The following NBDY variants were observed in gnomAD, a reference collection of about 807,000 sequenced individuals.
The protein encoded by NBDY is P-body dissociating protein.
chrX:56,745,350 T>C (rs1425400659), intron 2 of NBDY, among the ~76,000 whole-genome samples: 1 of 110,801 alleles, frequency 9.0e-6, no homozygotes, highest in East Asian at 2.8e-4. Flanking sequence ...GGGGGACCAC[T>C]TTAGATTCAT....
intron 2 of NBDY, among the ~76,000 whole-genome samples, chrX:56,809,792 C>T (rs1423557518): frequency 1.8e-5 from 2 of 112,061 alleles, no homozygotes; most frequent in East Asian, 2.8e-4. Context: ...TTAATCCTGT[C>T]GTTATGATGC....
intron 2 of NBDY, among the ~76,000 whole-genome samples, chrX:56,765,804 A>T (rs1602658051): frequency 5.5e-5 from 5 of 90,917 alleles, no homozygotes; most frequent in Admixed American, 1.3e-4. Context: ...CTCCCCCTGC[A>T]CTTCCTTCTC....
intron 2 of NBDY, chrX:56,737,700 A>T (rs770004687): frequency 1.2e-4 from 28 of 233,389 alleles, no homozygotes; most frequent in African/African-American, 8.3e-4. Context: ...ACATAGAAAA[A>T]GTGTGGTTAT....
intron 2 of NBDY, among the ~76,000 whole-genome samples, chrX:56,755,293 A>G (rs2069604228): frequency 8.9e-6 from 1 of 112,458 alleles, no homozygotes; most frequent in African/African-American, 3.2e-5. Flanking sequence ...GACAAATGGG[A>G]TCTAACTAAA....
chrX:56,802,878 G>A (rs910773399), intron 2 of NBDY, among the ~76,000 whole-genome samples: 4 of 112,732 alleles, frequency 3.5e-5, no homozygotes, highest in Non-Finnish European at 5.6e-5. Context: ...GGTCCCTTAA[G>A]TTTGGTGGTC....
intron 2 of NBDY, among the ~76,000 whole-genome samples, chrX:56,809,773 T>G (rs1462623229): frequency 8.9e-6 from 1 of 112,366 alleles, no homozygotes; most frequent in African/African-American, 3.2e-5. Context: ...AATATTGTTA[T>G]GTGTGCATTT....
intron 2 of NBDY, among the ~76,000 whole-genome samples, chrX:56,795,885 C>A (rs2069789384): frequency 8.9e-6 from 1 of 112,455 alleles, no homozygotes. Flanking sequence ...CATTGTGACT[C>A]TGAGTTTCAG....
At chrX:56,784,258 A>C (rs2069714160) in intron 2 of NBDY, among the ~76,000 whole-genome samples, 1 of 112,022 alleles carries the variant, frequency 8.9e-6, no homozygotes, top group South Asian at 3.8e-4. Context: ...CTTGTATGGA[A>C]TGCAGTCCGG....
At chrX:56,748,772 C>T (rs768283020) in intron 2 of NBDY, among the ~76,000 whole-genome samples, 3 of 98,681 alleles carry the variant, frequency 3.0e-5, no homozygotes, top group Non-Finnish European at 4.1e-5. Flanking sequence ...TAACGGTTTC[C>T]GTGTTGTGAG....
chrX:56,731,080 G>C (rs903348335), intron 1 of NBDY, among the ~76,000 whole-genome samples: 4 of 108,840 alleles, frequency 3.7e-5, no homozygotes, highest in Non-Finnish European at 7.6e-5. Context: ...CAACTTTGGC[G>C]ACCAAAAAAG....
chrX:56,790,377 G>A (rs1393856958), intron 2 of NBDY, among the ~76,000 whole-genome samples: 1 of 112,168 alleles, frequency 8.9e-6, no homozygotes, highest in Non-Finnish European at 1.9e-5. Context: ...ACTCAGGGGT[G>A]TGTGAACCAC....
chrX:56,815,146 T>C (rs778194933), intron 2 of NBDY, among the ~76,000 whole-genome samples: 1 of 111,303 alleles, frequency 9.0e-6, no homozygotes, highest in Non-Finnish European at 1.9e-5. Flanking sequence ...CATCAATAAA[T>C]TATTTACTCT....
chrX:56,767,587 C>A (rs1028184670), intron 2 of NBDY, among the ~76,000 whole-genome samples: 2 of 113,486 alleles, frequency 1.8e-5, no homozygotes, highest in Non-Finnish European at 3.7e-5. Context: ...GCACTCCGAG[C>A]AGCCAGTTGG....
intron 2 of NBDY, among the ~76,000 whole-genome samples, chrX:56,752,252 T>A (rs1157322533): frequency 8.9e-6 from 1 of 112,362 alleles, no homozygotes; most frequent in Non-Finnish European, 1.9e-5. Flanking sequence ...TTGGTAGCTC[T>A]GTTTTAAAAA....
At position 56,745,875 on chromosome X, in the gene NBDY, G is replaced by A. The variant is rs751970166; in HGVS notation, c.*166+13676G>A. ...CGTTTTTAGCAAGAAGACTACATGGGCGATGTTCTGTCCTTCTTAGGCACA... is the reference window on the plus strand; with the variant it reads ...CGTTTTTAGCAAGAAGACTACATGGACGATGTTCTGTCCTTCTTAGGCACA... On this transcript the variant is annotated intron_variant, in intron 2 of 2. Coordinates refer to ENST00000374922, the MANE Select transcript of NBDY (RefSeq NM_001348129.2). 4.1e-3 allele frequency among the ~76,000 whole-genome samples: 452 copies of A among 111,253 alleles called. 2 individuals carry two copies. Among genetic ancestry groups the A allele is most frequent in the Middle Eastern group, 9.3e-3 (2 of 215 alleles).
rs1329704540 is a variant in NBDY, at chrX:56,818,344, C to T, written c.*1191C>T. 9.0e-6 allele frequency: 1 copy of T among 111,280 alleles called. No individual in the cohort carries two copies. The highest frequency in any genetic ancestry group is 1.9e-5 in the Non-Finnish European group (1 of 52,971). The allele number at this position is 111,280 out of a possible 1,213,427, so 9.2% of individuals were successfully genotyped here. Reference sequence around the variant, plus strand: ...TTTACCCAATCCTCTGAAATTAGTCCCTAGCATCAGAATTAAAGAATCTGA... The same window carrying T: ...TTTACCCAATCCTCTGAAATTAGTCTCTAGCATCAGAATTAAAGAATCTGA... On this transcript the variant is annotated 3_prime_UTR_variant, in exon 3 of 3. Coordinates refer to ENST00000374922, the MANE Select transcript of NBDY (RefSeq NM_001348129.2).
intron 2 of NBDY, among the ~76,000 whole-genome samples, chrX:56,791,719 G>T (rs1175840625): frequency 1.8e-5 from 2 of 111,550 alleles, no homozygotes; most frequent in African/African-American, 6.5e-5. Context: ...TACTACAGTG[G>T]CATGGACCTT....
intron 2 of NBDY, among the ~76,000 whole-genome samples, chrX:56,803,858 C>T (rs890853813): frequency 1.8e-5 from 2 of 112,034 alleles, no homozygotes; most frequent in Non-Finnish European, 3.8e-5. Context: ...GGCCAAGGAG[C>T]GCTCACCTCA....
In NBDY at chrX:56,817,414, C is replaced by T. The variant is rs1205067616; in HGVS notation, c.*261C>T. 1.8e-5 allele frequency: 2 copies of T among 111,914 alleles called. No homozygotes were observed. Among genetic ancestry groups the T allele is most frequent in the Non-Finnish European group, 3.8e-5 (2 of 53,185 alleles). 9.2% of individuals were successfully genotyped at this position (111,914 alleles called of 1,213,427 possible). A position where few individuals can be genotyped will look rare whatever the true frequency, so the allele number is the denominator to read the frequency against. On this transcript the variant is annotated 3_prime_UTR_variant, in exon 3 of 3. Coordinates refer to ENST00000374922, the MANE Select transcript of NBDY (RefSeq NM_001348129.2). ...GTTGTAAGACCTCTGAGATTTAAGG[C>T]CATGCCCTGGATCATGGTGAACTTA...
Sources: allele counts gnomAD v4.1 joint callset (sites outside exome capture counted in the v4.1 genomes callset), GRCh38; gene constraint gnomAD v4.1.1; transcripts MANE v1.5; gene names NCBI Gene and HGNC (gene_info 2026-07-23, HGNC 2026-07-21).